The following RBMS3 variants were observed in gnomAD, a reference collection of about 807,000 sequenced individuals.
The protein encoded by RBMS3 is RNA-binding motif, single-stranded-interacting protein 3.
In RBMS3, 27 loss-of-function variants were observed where a neutral mutation model predicts 66.8. The observed-to-expected ratio is 0.40, with a 90% CI of 0.30 to 0.56. RBMS3 has a LOEUF of 0.56. RBMS3 is among the 20% of genes least tolerant of loss of function. RBMS3 has a pLI of 0.40. For synonymous variants in RBMS3, 188 were observed against 183.0 expected, an observed-to-expected ratio of 1.03 and a Z score of -0.22; for missense variants, 513 against 549.5, an observed-to-expected ratio of 0.93 and a Z score of 0.66.
At chr3:29,681,363 T>A (rs931994890) in intron 4 of RBMS3, among the ~76,000 whole-genome samples, 1 of 152,206 alleles carries the variant, frequency 6.6e-6, no homozygotes. Context: ...TTATTTTAAG[T>A]TAATGGGTAC....
Position 29,718,946 on chromosome 3 carries a change from T to C in RBMS3, c.400-20774T>C, listed in dbSNP as rs985037044. ...TCCGTGAATATTAGAGTGGGCTAGC[T>C]AATCATTTAAGTGAGTACAATGCCA... On this transcript the variant is annotated intron_variant, in intron 4 of 14. Coordinates refer to ENST00000383767, the MANE Select transcript of RBMS3 (RefSeq NM_001003793.3). Among the ~76,000 whole-genome samples the C allele has an allele frequency of 1.6e-4, 25 of 152,228 alleles. 1 individual carries two copies. Among genetic ancestry groups the C allele is most frequent in the Admixed American group, 1.5e-3 (23 of 15,284 alleles).
chr3:29,949,589 G>T (rs1262435331), intron 12 of RBMS3, among the ~76,000 whole-genome samples: 1 of 151,558 alleles, frequency 6.6e-6, no homozygotes, highest in African/African-American at 2.4e-5. Context: ...TCGCATTTTT[G>T]AGCTTTTTTA....
chr3:29,447,200 G>A (rs1035675535), intron 2 of RBMS3, among the ~76,000 whole-genome samples: 5 of 151,868 alleles, frequency 3.3e-5, no homozygotes, highest in African/African-American at 7.3e-5. Context: ...GTTGTGAGCC[G>A]CTGCACCCAG....
At chr3:29,302,821 G>A (rs938908453) in intron 1 of RBMS3, among the ~76,000 whole-genome samples, 2 of 151,930 alleles carry the variant, frequency 1.3e-5, no homozygotes, top group African/African-American at 4.8e-5. Flanking sequence ...GGGAGAAAAT[G>A]CTTCTTGCCT....
intron 1 of RBMS3, among the ~76,000 whole-genome samples, chr3:29,328,120 T>C (rs2035445663): frequency 6.6e-6 from 1 of 152,230 alleles, no homozygotes. Flanking sequence ...TGCAGTTCAC[T>C]TCCTTCAACT....
At chr3:29,361,528 G>T (rs1444146000) in intron 1 of RBMS3, among the ~76,000 whole-genome samples, 1 of 152,134 alleles carries the variant, frequency 6.6e-6, no homozygotes, top group Non-Finnish European at 1.5e-5. Flanking sequence ...TATGTGTCTT[G>T]GAGTTGGTCT....
At chr3:29,940,338 A>G (rs2061361159) in intron 11 of RBMS3, among the ~76,000 whole-genome samples, 1 of 151,928 alleles carries the variant, frequency 6.6e-6, no homozygotes, top group Non-Finnish European at 1.5e-5. Flanking sequence ...CTGAGCCCAC[A>G]GAAATTCTGC....
At chr3:29,721,121 G>A (rs893329461) in intron 4 of RBMS3, among the ~76,000 whole-genome samples, 2 of 152,136 alleles carry the variant, frequency 1.3e-5, no homozygotes, top group African/African-American at 4.8e-5. Context: ...CATTATCTAT[G>A]ATACTAAATT....
chr3:29,549,345 T>C (rs1055699371), intron 3 of RBMS3, among the ~76,000 whole-genome samples: 9 of 151,908 alleles, frequency 5.9e-5, no homozygotes, highest in African/African-American at 1.9e-4. Flanking sequence ...CCTCTAGTCC[T>C]GGTCATTTTG....
intron 1 of RBMS3, among the ~76,000 whole-genome samples, chr3:29,384,435 T>TAAGAAGAAGAAGAAGAAGAAGAAGAAG (rs71628521): frequency 5.7e-4 from 80 of 141,106 alleles, no homozygotes; most frequent in African/African-American, 1.2e-3. Flanking sequence ...ATAATAATAA[T>TAAGAAGAAGAAGAAGAAGAAGAAGAAG]AAGAAGAAGA....
intron 4 of RBMS3, among the ~76,000 whole-genome samples, chr3:29,728,020 T>C (rs575545257): frequency 6.6e-6 from 1 of 152,296 alleles, no homozygotes; most frequent in African/African-American, 2.4e-5. Context: ...TGGAATACTA[T>C]GCAGCCATAA....
At position 29,744,785 on chromosome 3, in the gene RBMS3, G is replaced by GAA. The variant is rs1553655159; in HGVS notation, c.557+4923_557+4924dup. On this transcript the variant is annotated intron_variant, in intron 5 of 14. Coordinates refer to ENST00000383767, the MANE Select transcript of RBMS3 (RefSeq NM_001003793.3). ...CACGATAGTGTAAGACTCCGTCTCG[G>GAA]AAAAAAAAAAAAAAAAGTGCTTATT... Among the ~76,000 whole-genome samples the GAA allele has an allele frequency of 4.3e-3, 588 of 138,160 alleles. 4 individuals are homozygous for GAA. The highest frequency in any genetic ancestry group is 0.014 in the African/African-American group (522 of 37,382). 90.6% of individuals were successfully genotyped at this position (138,160 alleles called of 152,430 possible). A position where few individuals can be genotyped will look rare whatever the true frequency, so the allele number is the denominator to read the frequency against.
chr3:29,554,232 A>G (rs755857028), intron 3 of RBMS3, among the ~76,000 whole-genome samples: 4 of 152,202 alleles, frequency 2.6e-5, no homozygotes, highest in Non-Finnish European at 5.9e-5. Flanking sequence ...AATTTTTACA[A>G]TAGTAATTTT....
At chr3:29,800,816 A>AT (rs3070791) in intron 6 of RBMS3, among the ~76,000 whole-genome samples, 57,416 of 148,402 alleles carry the variant, frequency 0.39, 11,420 homozygotes, top group Non-Finnish European at 0.45. Context: ...GAGAACACAC[A>AT]TTTTTTTTCC....
intron 12 of RBMS3, among the ~76,000 whole-genome samples, chr3:29,986,625 A>G (rs1040514913): frequency 3.3e-5 from 5 of 152,138 alleles, no homozygotes; most frequent in African/African-American, 7.2e-5. Context: ...TCTACAACAT[A>G]CTCTATAGAG....
chr3:29,815,440 T>C (rs1222269276), intron 6 of RBMS3, among the ~76,000 whole-genome samples: 2 of 152,210 alleles, frequency 1.3e-5, no homozygotes, highest in East Asian at 3.9e-4. Flanking sequence ...TGTTTAAGAG[T>C]ATGGGCTCTG....
chr3:29,539,621 A>G (rs565951451), intron 3 of RBMS3, among the ~76,000 whole-genome samples: 1 of 152,198 alleles, frequency 6.6e-6, no homozygotes, highest in Non-Finnish European at 1.5e-5. Flanking sequence ...CGAGTTTTTA[A>G]TACATGAACT....
chr3:29,355,208 T>A (rs371985867), intron 1 of RBMS3, among the ~76,000 whole-genome samples: 14 of 152,262 alleles, frequency 9.2e-5, no homozygotes, highest in African/African-American at 3.4e-4. Flanking sequence ...TCTTGTGTCA[T>A]CATAATGCCT....
At chr3:29,832,999 C>G (rs1488797277) in intron 6 of RBMS3, among the ~76,000 whole-genome samples, 5 of 152,138 alleles carry the variant, frequency 3.3e-5, no homozygotes, top group African/African-American at 1.2e-4. Flanking sequence ...GGCACGGCCA[C>G]AGAGAACACA....
Sources: gnomAD v4.1 joint callset for allele counts (sites outside exome capture counted in the v4.1 genomes callset) on GRCh38, gnomAD v4.1.1 for gene constraint, MANE v1.5 for transcripts, NCBI Gene and HGNC (gene_info 2026-07-23, HGNC 2026-07-21) for gene names.